TTC33: variants seen among roughly 807,000 people sequenced by gnomAD.
TTC33 encodes the protein tetratricopeptide repeat protein 33.
Under a neutral mutation model 29.4 loss-of-function variants are expected in TTC33, and 24 were observed. The observed-to-expected ratio is 0.82, with a 90% CI of 0.59 to 1.15. The LOEUF (loss-of-function observed/expected upper bound fraction) is 1.15, where lower values mean the gene tolerates loss of function less well. TTC33 is among the 50% of genes most tolerant of loss of function. The pLI, the probability that TTC33 is intolerant of heterozygous loss-of-function variation, is 0.00. For missense variants in TTC33, 286 were observed against 310.4 expected (o/e 0.92, Z 0.59); for synonymous variants, 107 against 100.3 (o/e 1.07, Z -0.40).
intron 2 of TTC33, among the ~76,000 whole-genome samples, chr5:40,733,081 T>C (rs565355257): frequency 1.3e-5 from 2 of 152,260 alleles, no homozygotes; most frequent in South Asian, 2.1e-4. Context: ...GTGGTAAAAA[T>C]GTAAATTCTT....
intron 4 of TTC33, among the ~76,000 whole-genome samples, chr5:40,723,024 TC>T (rs1490205050): frequency 6.6e-6 from 1 of 152,092 alleles, no homozygotes; most frequent in African/African-American, 2.4e-5. Context: ...AAAGGAGAGA[TC>T]GGATTGTTAC....
At chr5:40,741,027 A>T (rs1344571523) in intron 2 of TTC33, among the ~76,000 whole-genome samples, 3 of 152,000 alleles carry the variant, frequency 2.0e-5, no homozygotes, top group African/African-American at 7.3e-5. Context: ...CTCTCTGTCC[A>T]CTACTTCCAT....
Position 40,716,025 on chromosome 5 carries a change from T to C in TTC33, c.*120A>G, listed in dbSNP as rs1333399739. 5 of 797,270 alleles carry C rather than the reference T, an allele frequency of 6.3e-6. No homozygotes were observed. Among genetic ancestry groups the C allele is most frequent in the Non-Finnish European group, 7.7e-6 (4 of 517,668 alleles). The allele number at this position is 797,270 out of a possible 1,614,324, so 49.4% of individuals were successfully genotyped here. On this transcript the variant is annotated 3_prime_UTR_variant, in exon 5 of 5. Transcript: ENST00000337702. ...GCCATTTTAGTTTTTATATGCCTCA[T>C]CTGAAAAACATATTTTACAACCAGG...
chr5:40,743,285 TCAGA>T (rs1163725600), intron 2 of TTC33, among the ~76,000 whole-genome samples: 1 of 152,100 alleles, frequency 6.6e-6, no homozygotes, highest in East Asian at 1.9e-4. Flanking sequence ...AAAAAGGTTT[TCAGA>T]CAGAGTCATA....
chr5:40,738,436 A>AAAATT (rs2111914068), intron 2 of TTC33, among the ~76,000 whole-genome samples: 1 of 65,144 alleles, frequency 1.5e-5, no homozygotes, highest in Non-Finnish European at 3.1e-5. Flanking sequence ...AAAATAAAAT[A>AAAATT]TAAAATAAAA....
At chr5:40,726,509 C>A (rs1742290514) in intron 4 of TTC33, among the ~76,000 whole-genome samples, 1 of 146,904 alleles carries the variant, frequency 6.8e-6, no homozygotes. Context: ...CTTAAATCTA[C>A]ATAAAAACAG....
intron 4 of TTC33, among the ~76,000 whole-genome samples, chr5:40,724,570 T>G (rs1457601174): frequency 2.0e-5 from 3 of 148,728 alleles, no homozygotes; most frequent in Non-Finnish European, 3.0e-5. Context: ...GAGGTGGAGG[T>G]TGAAGTGAGC....
rs150634357 is a variant in TTC33, at chr5:40,748,107, G to A, written c.-1-1088C>T. 3.2e-3 allele frequency among the ~76,000 whole-genome samples: 489 copies of A among 152,294 alleles called. 2 individuals carry two copies. The highest frequency in any genetic ancestry group is 0.011 in the African/African-American group (462 of 41,554). On this transcript the variant is annotated intron_variant, in intron 1 of 4. Coordinates refer to ENST00000337702, the MANE Select transcript of TTC33 (RefSeq NM_012382.3). The stretch of plus-strand genomic sequence containing the variant: ...CTCCCAAAGTTCTGAGATAACAGGC[G>A]TGAGCCATTGCACCCAGCCAGAAGG...
chr5:40,741,400 T>C (rs1451680258), intron 2 of TTC33, among the ~76,000 whole-genome samples: 3 of 152,214 alleles, frequency 2.0e-5, no homozygotes, highest in African/African-American at 7.2e-5. Context: ...CTCCGCTCTG[T>C]ATGAACGCTA....
intron 4 of TTC33, among the ~76,000 whole-genome samples, chr5:40,726,518 A>G (rs1742290701): frequency 6.6e-6 from 1 of 151,322 alleles, no homozygotes; most frequent in South Asian, 2.1e-4. Flanking sequence ...ACATAAAAAC[A>G]GAGAAGATTC....
chr5:40,741,285 GA>G (rs570679598), intron 2 of TTC33, among the ~76,000 whole-genome samples: 368 of 152,270 alleles, frequency 2.4e-3, no homozygotes, highest in African/African-American at 8.5e-3. Context: ...TCCCTCTAGG[GA>G]TAGTGTAGTC....
chr5:40,738,567 T>TACA (rs1286758071), intron 2 of TTC33, among the ~76,000 whole-genome samples: 2 of 67,602 alleles, frequency 3.0e-5, no homozygotes, highest in South Asian at 5.8e-4. Flanking sequence ...TAAAATAAAA[T>TACA]ATAAAATAAA....
Position 40,716,385 on chromosome 5 carries a change from C to A in TTC33, c.549G>T (p.Arg183Ser). ...CAGCTGGTGCTTCACTTTTTTTAAT[C>A]CTCTGTGCTACCTTCTGCTGCTCCT... is the stretch of plus-strand genomic sequence containing the variant. ...TLQEQQKVAQRIKKSEAPAEV... is the reference protein window; with the variant it reads ...TLQEQQKVAQSIKKSEAPAEV... The change falls in exon 5 of 5, where the codon AGG becomes AGT. Residue 183 changes from arginine to serine, a missense_variant. Physicochemically the swap from Arg to Ser is moderately radical, Grantham distance 110. Coordinates refer to ENST00000337702, the MANE Select transcript of TTC33 (RefSeq NM_012382.3). The A allele has an allele frequency of 6.2e-7, 1 of 1,613,966 alleles. No homozygotes were observed. The highest frequency in any genetic ancestry group is 2.2e-5 in the East Asian group (1 of 44,886).
At chr5:40,728,676 C>T (rs536288402) in intron 3 of TTC33, among the ~76,000 whole-genome samples, 200 bp from the exon 4 acceptor site, 5 of 152,038 alleles carry the variant, frequency 3.3e-5, no homozygotes, top group Admixed American at 2.0e-4. Context: ...AAAATGTAAA[C>T]GATTCCCTTT....
intron 2 of TTC33, among the ~76,000 whole-genome samples, chr5:40,730,940 T>G (rs1286017349): frequency 1.3e-5 from 2 of 152,176 alleles, no homozygotes; most frequent in African/African-American, 4.8e-5. Flanking sequence ...TTAAATAAAT[T>G]TAGTACTGTG....
At chr5:40,724,583 A>C (rs1484475671) in intron 4 of TTC33, among the ~76,000 whole-genome samples, 1 of 151,654 alleles carries the variant, frequency 6.6e-6, no homozygotes, top group Non-Finnish European at 1.5e-5. Flanking sequence ...AAGTGAGCCG[A>C]GATCACACCA....
At chr5:40,738,860 C>T (rs1742631309) in intron 2 of TTC33, among the ~76,000 whole-genome samples, 1 of 152,078 alleles carries the variant, frequency 6.6e-6, no homozygotes, top group Non-Finnish European at 1.5e-5. Flanking sequence ...TGTGAAGCAT[C>T]TGCTCCAACT....
intron 2 of TTC33, among the ~76,000 whole-genome samples, chr5:40,740,394 T>C (rs1436286782): frequency 2.6e-5 from 4 of 152,032 alleles, no homozygotes; most frequent in Non-Finnish European, 4.4e-5. Context: ...CCTTCATTTC[T>C]GAAAGATATT....
intron 3 of TTC33, among the ~76,000 whole-genome samples, chr5:40,729,366 C>A (rs935211989): frequency 2.6e-5 from 4 of 152,070 alleles, no homozygotes; most frequent in African/African-American, 9.7e-5. Context: ...CAATTCCCTG[C>A]CAAAAATATG....
Sources: gnomAD v4.1 joint callset for allele counts (sites outside exome capture counted in the v4.1 genomes callset) on GRCh38, gnomAD v4.1.1 for gene constraint, MANE v1.5 for transcripts, NCBI Gene and HGNC (gene_info 2026-07-23, HGNC 2026-07-21) for gene names.